Variants in ACSF3 observed in about 807,000 individuals in gnomAD.
ACSF3 encodes acyl-CoA synthetase family member 3, also known as malonate--CoA ligase ACSF3, mitochondrial.
A neutral mutation model predicts 53.2 loss-of-function variants in ACSF3; 78 were observed. The ratio of observed to expected loss-of-function variants is 1.47; its 90% CI spans 1.22 to 1.77. ACSF3 has a LOEUF of 1.77. ACSF3 is among the 40% of genes most tolerant of loss of function. The pLI is 0.00. For missense variants in ACSF3, 937 were observed against 771.1 expected, an observed-to-expected ratio of 1.22 and a Z score of -2.55; for synonymous variants, 414 against 333.1, an observed-to-expected ratio of 1.24 and a Z score of -2.65.
At chr16:89,098,075 A>G (rs962745060) in intron 1 of ACSF3, among the ~76,000 whole-genome samples, 2 of 151,784 alleles carry the variant, frequency 1.3e-5, no homozygotes, top group African/African-American at 4.8e-5. Context: ...CTCCGTCTCA[A>G]AAAAAAAACA....
At chr16:89,128,738 G>A (rs147596927) in intron 7 of ACSF3, among the ~76,000 whole-genome samples, 9 of 152,244 alleles carry the variant, frequency 5.9e-5, no homozygotes, top group African/African-American at 1.9e-4. Flanking sequence ...GTCAAAAGAC[G>A]CACTTGGTAT....
chr16:89,146,420 G>A (rs62068501), intron 10 of ACSF3, among the ~76,000 whole-genome samples: 267 of 152,198 alleles, frequency 1.8e-3, no homozygotes, highest in Middle Eastern at 3.4e-3. Context: ...CCAGCTGGCC[G>A]CACGCGCTGG....
chr16:89,151,366 C>T (rs1914056775), intron 10 of ACSF3: 1 of 381,150 alleles, frequency 2.6e-6, no homozygotes, highest in South Asian at 2.0e-5. Context: ...TCTGATGAAA[C>T]AGAGTGGGGA....
Position 89,102,631 on chromosome 16 carries a change from T to C in ACSF3, c.694T>C (p.Trp232Arg). Residue 232 changes from tryptophan (W) to arginine (R), a missense_variant, in exon 4 of 11, where the codon TGG becomes CGG. Coordinates refer to ENST00000614302, the MANE Select transcript of ACSF3 (RefSeq NM_001243279.3). The stretch of plus-strand genomic sequence containing the variant: ...GACCGGGCTGGTCCACAAGTGGGCA[T>C]GGACCAAAGACGACGTGATCCTCCA... Reference protein sequence around the residue: ...VVTGLVHKWAWTKDDVILHVL... With the variant: ...VVTGLVHKWARTKDDVILHVL... 1 of 1,613,872 alleles carries C rather than the reference T, an allele frequency of 6.2e-7. No homozygotes were observed. Among genetic ancestry groups the C allele is most frequent in the South Asian group, 1.1e-5 (1 of 91,078 alleles).
At chr16:89,151,239 C>G (rs1345326155) in intron 10 of ACSF3, 1 of 459,848 alleles carries the variant, frequency 2.2e-6, no homozygotes, top group East Asian at 6.9e-5. Context: ...ACAGACTGAA[C>G]AGTTCTGAGT....
intron 4 of ACSF3, among the ~76,000 whole-genome samples, chr16:89,105,395 A>G (rs1024512167): frequency 1.3e-5 from 2 of 152,060 alleles, no homozygotes; most frequent in African/African-American, 4.8e-5. Context: ...TCCTTGGTGA[A>G]CGTCTGCTGA....
intron 6 of ACSF3, among the ~76,000 whole-genome samples, chr16:89,118,703 C>T (rs1260807809): frequency 6.6e-6 from 1 of 152,240 alleles, no homozygotes; most frequent in Non-Finnish European, 1.5e-5. Context: ...AGGTTGAGCT[C>T]AGAGGTGCTC....
Position 89,154,950 on chromosome 16 carries a change from C to T in ACSF3, c.*743C>T, listed in dbSNP as rs1567759462. 2 of 453,944 alleles carry T rather than the reference C, an allele frequency of 4.4e-6. No homozygotes were observed. Among genetic ancestry groups the T allele is most frequent in the South Asian group, 3.1e-5 (2 of 64,462 alleles). The allele number at this position is 453,944 out of a possible 1,614,324, so 28.1% of individuals were successfully genotyped here. A position where few individuals can be genotyped will look rare whatever the true frequency, so the allele number is the denominator to read the frequency against. On this transcript the variant is annotated 3_prime_UTR_variant, in exon 11 of 11. Transcript: ENST00000614302. ...CACACCAGCCCCTCAGCCGGTGAAC[C>T]CTCTCTCCCATCACCGTCTCCACCC...
In ACSF3 at chr16:89,094,000, C is replaced by A; in HGVS notation, c.-194+4C>A. On this transcript the variant is annotated splice_donor_region_variant and intron_variant, in intron 1 of 10. Transcript: ENST00000614302. ...CGTGGCCGCGGCCGTCTCGTAGGTG[C>A]GGGCGGCGGGGCCCACGGGACCGCG... 5.3e-6 allele frequency: 1 copy of A among 189,328 alleles called. No homozygotes were observed. Among genetic ancestry groups the A allele is most frequent in the Admixed American group, 5.6e-5 (1 of 17,992 alleles). 11.7% of individuals were successfully genotyped at this position (189,328 alleles called of 1,614,324 possible).
chr16:89,137,117 G>A (rs986155368), intron 8 of ACSF3, among the ~76,000 whole-genome samples: 3 of 152,374 alleles, frequency 2.0e-5, no homozygotes, highest in Non-Finnish European at 2.9e-5. Flanking sequence ...GGCATCCAGG[G>A]GTCAGGAGAG....
Position 89,154,166 on chromosome 16 carries a change from A to G in ACSF3, c.1690A>G (p.Ile564Val). 1 of 1,613,596 alleles carries G rather than the reference A, an allele frequency of 6.2e-7. No individual in the cohort carries two copies. Among genetic ancestry groups the G allele is most frequent in the Middle Eastern group, 1.6e-4 (1 of 6,062 alleles). ...EEIPRNQMGKIDKKALIRHFH... is the reference protein window; with the variant it reads ...EEIPRNQMGKVDKKALIRHFH... ...GATCCCGCGGAACCAGATGGGCAAGATTGACAAGAAGGCGCTCATCAGGCA... is the reference window on the plus strand; with the variant it reads ...GATCCCGCGGAACCAGATGGGCAAGGTTGACAAGAAGGCGCTCATCAGGCA... Residue 564 changes from isoleucine (I) to valine (V), a missense_variant, in exon 11 of 11, where the codon ATT becomes GTT. Ile to Val is a conservative substitution (Grantham distance 29, BLOSUM62 3). Coordinates refer to ENST00000614302, the MANE Select transcript of ACSF3 (RefSeq NM_001243279.3).
chr16:89,154,339 G>T lies in ACSF3; in HGVS notation c.*132G>T, dbSNP rs759639713. 1.2e-6 allele frequency: 1 copy of T among 861,572 alleles called. No homozygotes were observed. Among genetic ancestry groups the T allele is most frequent in the Non-Finnish European group, 1.9e-6 (1 of 530,098 alleles). The allele number at this position is 861,572 out of a possible 1,614,324, so 53.4% of individuals were successfully genotyped here. The stretch of plus-strand genomic sequence containing the variant: ...CCCAAATCAGGTCACGTAGAATCAA[G>T]AACTGTTTGGGATGAAATCACCATG... On this transcript the variant is annotated 3_prime_UTR_variant, in exon 11 of 11. Coordinates refer to ENST00000614302, the MANE Select transcript of ACSF3 (RefSeq NM_001243279.3).
intron 4 of ACSF3, among the ~76,000 whole-genome samples, chr16:89,105,571 G>C (rs1411193880): frequency 6.6e-6 from 1 of 152,190 alleles, no homozygotes; most frequent in East Asian, 1.9e-4. Flanking sequence ...TTGGCGGTCA[G>C]CTCTGTCCAG....
rs1976792608 is a variant in ACSF3 at position 89,112,324 on chromosome 16, C to G, written c.977+78C>G. 14 of 1,567,368 alleles carry G rather than the reference C, an allele frequency of 8.9e-6. No individual in the cohort carries two copies. In the South Asian group the frequency reaches 1.6e-4, roughly 18 times the overall value. On this transcript the variant is annotated intron_variant, in intron 5 of 10. Transcript: ENST00000614302. ...TACGACTTATTTCTAATAAATCACT[C>G]CTACTAAGTTCTGGGAAGCAGTGCT...
chr16:89,104,279 T>C (rs1354137011), intron 4 of ACSF3, among the ~76,000 whole-genome samples: 6 of 152,190 alleles, frequency 3.9e-5, no homozygotes, highest in African/African-American at 1.4e-4. Context: ...AGAATTTGGA[T>C]CGTATCATGA....
intron 5 of ACSF3, chr16:89,113,945 C>T (rs548235875): frequency 4.9e-5 from 17 of 347,458 alleles, no homozygotes; most frequent in African/African-American, 3.0e-4. Flanking sequence ...CAGCCTGCAG[C>T]GCCGTGGCTG....
At chr16:89,114,184 AGTGGTG>A (rs1275156484) in intron 5 of ACSF3, 149 bp from the exon 6 acceptor site, 95 of 961,816 alleles carry the variant, frequency 9.9e-5, no homozygotes, top group South Asian at 1.6e-4. Context: ...GGTGTCGCAC[AGTGGTG>A]CTGTACCCAC....
At chr16:89,113,138 C>G (rs892459229) in intron 5 of ACSF3, 1 of 152,290 alleles carries the variant, frequency 6.6e-6, no homozygotes, top group African/African-American at 2.4e-5. Flanking sequence ...AGGCCCGCAC[C>G]TCCAGCAGAG....
At chr16:89,124,065 TATCACACACATGCCTAGTGTGCGCATGGG>T (rs1398798767) in intron 7 of ACSF3, among the ~76,000 whole-genome samples, 24 of 3,382 alleles carry the variant, frequency 7.1e-3, no homozygotes, top group Admixed American at 0.024. Context: ...CATGAACGGG[TATCACACACATGCCTAGTGTGCGCATGGG>T]TATCACACAC....
Sources: allele counts gnomAD v4.1 joint callset (sites outside exome capture counted in the v4.1 genomes callset), GRCh38; gene constraint gnomAD v4.1.1; transcripts MANE v1.5; gene names NCBI Gene and HGNC (gene_info 2026-07-23, HGNC 2026-07-21).